The following FAM135B variants were observed in gnomAD, a reference collection of about 807,000 sequenced individuals.
FAM135B encodes protein FAM135B.
In FAM135B, 43 loss-of-function variants were observed where a neutral mutation model predicts 127.7. That is an observed-to-expected ratio of 0.34 (90% CI 0.26 to 0.43). The LOEUF is 0.43. Among genes scored for constraint, FAM135B ranks in the 20% least tolerant of loss-of-function variants. The pLI is 1.00. For missense variants in FAM135B, 1,558 were observed against 1,725.6 expected (o/e 0.90, Z 1.72); for synonymous variants, 670 against 665.1 (o/e 1.01, Z -0.11).
chr8:138,359,209 T>A (rs1025706151), intron 2 of FAM135B, among the ~76,000 whole-genome samples: 1 of 152,086 alleles, frequency 6.6e-6, no homozygotes, highest in Non-Finnish European at 1.5e-5. Context: ...AAAATAATAT[T>A]TATGGAATTT....
intron 2 of FAM135B, among the ~76,000 whole-genome samples, chr8:138,315,190 C>T (rs1430727288): frequency 2.0e-5 from 3 of 152,012 alleles, no homozygotes; most frequent in Admixed American, 2.0e-4. Flanking sequence ...AGAAAACATT[C>T]AAATTACCAA....
chr8:138,161,090 C>A (rs975801084), intron 12 of FAM135B, among the ~76,000 whole-genome samples: 5 of 152,214 alleles, frequency 3.3e-5, no homozygotes, highest in Non-Finnish European at 5.9e-5. Context: ...AGTCATAAAT[C>A]AAAGTAGAGT....
chr8:138,260,754 C>T (rs962533265), intron 4 of FAM135B, among the ~76,000 whole-genome samples: 1 of 152,186 alleles, frequency 6.6e-6, no homozygotes, highest in Non-Finnish European at 1.5e-5. Context: ...ACACCATGCA[C>T]TATAGCAGCA....
At chr8:138,384,302 G>A (rs1473934536) in intron 1 of FAM135B, among the ~76,000 whole-genome samples, 1 of 152,222 alleles carries the variant, frequency 6.6e-6, no homozygotes, top group African/African-American at 2.4e-5. Flanking sequence ...TTTAGTCTGG[G>A]AGGCTAGTGG....
chr8:138,346,899 A>G (rs1363926577), intron 2 of FAM135B, among the ~76,000 whole-genome samples: 2 of 152,210 alleles, frequency 1.3e-5, no homozygotes, highest in Non-Finnish European at 2.9e-5. Flanking sequence ...GCAAGCACTC[A>G]CCAATGTCCA....
rs1816740980 is a variant in FAM135B at position 138,137,259 on chromosome 8, C to T, written c.3903G>A (p.Gly1301=). The T allele has an allele frequency of 2.5e-6, 4 of 1,568,786 alleles. No homozygotes were observed. Among genetic ancestry groups the T allele is most frequent in the Non-Finnish European group, 3.5e-6 (4 of 1,138,774 alleles). The part of the protein sequence containing the change: ...CFLYQLSQKT[G]LQYFKNVVLV... ...GCACGACGTTTTTAAAATACTGCAG[C>T]CCTGTAAAAATTAGCCAGATGAGTG... The change falls in exon 19 of 20, where the codon GGG becomes GGA. Residue 1301 remains glycine (G), a splice_region_variant and synonymous_variant. Transcript: ENST00000395297.
intron 4 of FAM135B, among the ~76,000 whole-genome samples, chr8:138,264,329 G>A (rs903560784): frequency 6.6e-6 from 1 of 152,168 alleles, no homozygotes; most frequent in Non-Finnish European, 1.5e-5. Flanking sequence ...CTGAGTTCTT[G>A]ACATTCTCAC....
At chr8:138,390,820 C>T (rs1286536368) in intron 1 of FAM135B, among the ~76,000 whole-genome samples, 3 of 152,150 alleles carry the variant, frequency 2.0e-5, no homozygotes, top group African/African-American at 4.8e-5. Context: ...TTCTGCAGCA[C>T]TCTATGGCAG....
chr8:138,143,129 C>A lies in FAM135B; in HGVS notation c.3541-20G>T, dbSNP rs2130627889. 1 of 1,425,646 alleles carries A rather than the reference C, an allele frequency of 7.0e-7. No homozygotes were observed. The highest frequency in any genetic ancestry group is 9.9e-7 in the Non-Finnish European group (1 of 1,009,060). 88.3% of individuals were successfully genotyped at this position (1,425,646 alleles called of 1,614,324 possible). A position where few individuals can be genotyped will look rare whatever the true frequency, so the allele number is the denominator to read the frequency against. Reference sequence around the variant, plus strand: ...GTCCATCTGGAAGAAGAGAGAGGAACAGGTGTTGGGTATGGTTGTGGCGGG... The same window carrying A: ...GTCCATCTGGAAGAAGAGAGAGGAAAAGGTGTTGGGTATGGTTGTGGCGGG... On this transcript the variant is annotated intron_variant, in intron 15 of 19. Coordinates refer to ENST00000395297, the MANE Select transcript of FAM135B (RefSeq NM_015912.4).
In FAM135B at chr8:138,148,596, T is replaced by C. The variant is rs374078271; in HGVS notation, c.3372A>G (p.Pro1124=). 32 of 1,613,078 alleles carry C rather than the reference T, an allele frequency of 2.0e-5. No homozygotes were observed. Among genetic ancestry groups the C allele is most frequent in the Admixed American group, 6.7e-5 (4 of 60,010 alleles). ...SDLTVLASDI[P]YFPPEEEEEN... ...CTTCCTCTTCCTCTGGTGGGAAATA[T>C]GGTATATCAGAAGCTAGTACAGTTA... The change falls in exon 14 of 20, where the codon CCA becomes CCG. Residue 1124 remains proline, a synonymous_variant. Coordinates refer to ENST00000395297, the MANE Select transcript of FAM135B (RefSeq NM_015912.4).
At chr8:138,381,031 A>G (rs1489825553) in intron 1 of FAM135B, among the ~76,000 whole-genome samples, 4 of 152,150 alleles carry the variant, frequency 2.6e-5, no homozygotes, top group Admixed American at 2.6e-4. Context: ...TTGTTGCACA[A>G]CCATCTGAGA....
rs559808815 is a variant in FAM135B at position 138,487,891 on chromosome 8, C to A, written c.-20+8780G>T. On this transcript the variant is annotated intron_variant, in intron 1 of 19. Transcript: ENST00000395297. ...TGGTGGTGGGCACCTGGAATCCCAG[C>A]TACTGGGGAGGCCGAGGCAGGAGAA... 3.3e-5 allele frequency among the ~76,000 whole-genome samples: 5 copies of A among 152,202 alleles called. No homozygotes were observed. The East Asian group carries it at 9.7e-4, about 29-fold the overall frequency.
chr8:138,240,235 A>G (rs1167490570), intron 7 of FAM135B, among the ~76,000 whole-genome samples: 1 of 152,214 alleles, frequency 6.6e-6, no homozygotes, highest in Non-Finnish European at 1.5e-5. Context: ...ATTTGTAACC[A>G]GAGTCTGCTT....
chr8:138,214,157 A>C (rs1248173343), intron 7 of FAM135B, among the ~76,000 whole-genome samples: 1 of 152,090 alleles, frequency 6.6e-6, no homozygotes, highest in East Asian at 1.9e-4. Context: ...GCTTTTTTTC[A>C]ACAGAGATCC....
intron 13 of FAM135B, among the ~76,000 whole-genome samples, chr8:138,149,514 C>G (rs1817946883): frequency 6.6e-6 from 1 of 152,150 alleles, no homozygotes; most frequent in African/African-American, 2.4e-5. Flanking sequence ...ATGCCTTTCT[C>G]ACTTAGCTAT....
intron 1 of FAM135B, among the ~76,000 whole-genome samples, chr8:138,457,101 GAAGGGAT>G (rs11279603): frequency 0.48 from 71,948 of 151,216 alleles, 18,107 homozygotes; most frequent in East Asian, 0.84. Context: ...CTAGAAAAGA[GAAGGGAT>G]AAGGGATGGC....
chr8:138,334,525 T>C (rs1368168744), intron 2 of FAM135B, among the ~76,000 whole-genome samples: 3 of 152,236 alleles, frequency 2.0e-5, no homozygotes, highest in South Asian at 4.1e-4. Flanking sequence ...TTATTTTTCC[T>C]GATATTCTTC....
At chr8:138,339,234 G>A (rs1003074462) in intron 2 of FAM135B, among the ~76,000 whole-genome samples, 7 of 151,884 alleles carry the variant, frequency 4.6e-5, no homozygotes, top group African/African-American at 7.3e-5. Flanking sequence ...CGTTGTGCAC[G>A]TGTACCCTAA....
At chr8:138,360,581 A>T (rs1274233798) in intron 2 of FAM135B, among the ~76,000 whole-genome samples, 1 of 152,198 alleles carries the variant, frequency 6.6e-6, no homozygotes, top group African/African-American at 2.4e-5. Flanking sequence ...TATAATAAAG[A>T]GGCTAGCAAA....
Sources: gnomAD v4.1 joint callset for allele counts (sites outside exome capture counted in the v4.1 genomes callset) on GRCh38, gnomAD v4.1.1 for gene constraint, MANE v1.5 for transcripts, NCBI Gene and HGNC (gene_info 2026-07-23, HGNC 2026-07-21) for gene names.